Variants in DUSP10 observed in about 807,000 individuals in gnomAD.
DUSP10 encodes dual specificity phosphatase 10.
A neutral mutation model predicts 30.8 loss-of-function variants in DUSP10; 14 were observed. That is an observed-to-expected ratio of 0.46 (90% confidence interval 0.30 to 0.71). The LOEUF (loss-of-function observed/expected upper bound fraction) is 0.71. Ranked by LOEUF, DUSP10 falls within the 30% of genes least tolerant of loss-of-function variation. The pLI is 0.08. For missense variants in DUSP10, 550 were observed against 619.4 expected (o/e 0.89, Z 1.19); for synonymous variants, 254 against 250.4 (o/e 1.01, Z -0.14).
chr1:221,715,357 T>G (rs941103607), intron 2 of DUSP10, among the ~76,000 whole-genome samples: 2 of 152,160 alleles, frequency 1.3e-5, no homozygotes, highest in Non-Finnish European at 2.9e-5. Context: ...CCTCCCCTCC[T>G]GGCTCAGAAG....
Position 221,738,057 on chromosome 1 carries a change from G to C in DUSP10, c.811+877C>G, listed in dbSNP as rs77457588. 3.6e-3 allele frequency among the ~76,000 whole-genome samples: 546 copies of C among 152,294 alleles called. 1 individual carries two copies. Among genetic ancestry groups the C allele is most frequent in the Non-Finnish European group, 6.0e-3 (407 of 68,028 alleles). On this transcript the variant is annotated intron_variant, in intron 2 of 3. Transcript: ENST00000366899. Reference sequence around the variant, plus strand: ...AGTGCCCCAAAAGTCAGTATCTGAGGGCAAAGAGGTGCAACTAGGCTGGGC... The same window carrying C: ...AGTGCCCCAAAAGTCAGTATCTGAGCGCAAAGAGGTGCAACTAGGCTGGGC...
At chr1:221,727,500 G>A (rs1179214237) in intron 2 of DUSP10, among the ~76,000 whole-genome samples, 1 of 152,168 alleles carries the variant, frequency 6.6e-6, no homozygotes, top group Non-Finnish European at 1.5e-5. Context: ...TCAAATGCTT[G>A]ATAACATCTC....
chr1:221,722,508 T>G (rs1160014547), intron 2 of DUSP10, among the ~76,000 whole-genome samples: 2 of 152,232 alleles, frequency 1.3e-5, no homozygotes, highest in African/African-American at 4.8e-5. Context: ...AGATGAAAAG[T>G]GCCCAGGGCT....
intron 2 of DUSP10, among the ~76,000 whole-genome samples, chr1:221,713,015 C>T (rs761344569): frequency 6.6e-6 from 1 of 152,152 alleles, no homozygotes; most frequent in Non-Finnish European, 1.5e-5. Flanking sequence ...GAATGACTGT[C>T]AAATGGAGCA....
At chr1:221,729,545 A>T (rs1278225106) in intron 2 of DUSP10, among the ~76,000 whole-genome samples, 1 of 152,244 alleles carries the variant, frequency 6.6e-6, no homozygotes, top group African/African-American at 2.4e-5. Context: ...CCTGAGCTAT[A>T]AAAGTCAGGA....
At chr1:221,709,495 T>C (rs1407511616) in intron 2 of DUSP10, among the ~76,000 whole-genome samples, 1 of 151,882 alleles carries the variant, frequency 6.6e-6, no homozygotes, top group African/African-American at 2.4e-5. Flanking sequence ...AAAGGAGATA[T>C]TACAATTTAA....
intron 2 of DUSP10, among the ~76,000 whole-genome samples, chr1:221,712,777 C>CAAAAAAAAAAAAAAAA (rs58249338): frequency 3.5e-5 from 2 of 56,950 alleles, no homozygotes; most frequent in African/African-American, 7.9e-5. Flanking sequence ...TATAAAGCAG[C>CAAAAAAAAAAAAAAAA]AAAAAAAAAA....
In DUSP10 at chr1:221,713,747, G is replaced by A. The variant is rs1321104934; in HGVS notation, c.812-7281C>T. Among the ~76,000 whole-genome samples, 4 of 152,166 alleles carry A rather than the reference G, an allele frequency of 2.6e-5. 1 individual carries two copies. The South Asian group carries it at 8.3e-4, about 32-fold the overall frequency. ...TTAATAGAATTTAGGTCCTTGGAGA[G>A]CAGGACTAGTCTTATTTAAATCCCT... On this transcript the variant is annotated intron_variant, in intron 2 of 3. Transcript: ENST00000366899.
At chr1:221,734,552 C>A (rs1661707586) in intron 2 of DUSP10, among the ~76,000 whole-genome samples, 1 of 152,172 alleles carries the variant, frequency 6.6e-6, no homozygotes, top group African/African-American at 2.4e-5. Context: ...GTTCTGAACA[C>A]TTTACACACA....
chr1:221,734,912 AC>A (rs1433401718), intron 2 of DUSP10, among the ~76,000 whole-genome samples: 3 of 150,358 alleles, frequency 2.0e-5, no homozygotes, highest in Admixed American at 1.3e-4. Flanking sequence ...TCCCTTCCCC[AC>A]CCCACCCCCG....
At chr1:221,741,876 T>TACAC (rs1386031066) in intron 1 of DUSP10, 105 bp downstream of exon 1, 1 of 152,138 alleles carries the variant, frequency 6.6e-6, no homozygotes, top group Admixed American at 6.6e-5. Flanking sequence ...CACACACAGA[T>TACAC]ACACACACAC....
intron 2 of DUSP10, among the ~76,000 whole-genome samples, chr1:221,731,257 T>A (rs909970889): frequency 2.6e-5 from 4 of 152,156 alleles, no homozygotes; most frequent in African/African-American, 9.7e-5. Context: ...TTTTTAATTG[T>A]ACTTGCAAAC....
chr1:221,735,179 C>T (rs1252984879), intron 2 of DUSP10, among the ~76,000 whole-genome samples: 9 of 152,202 alleles, frequency 5.9e-5, no homozygotes, highest in Non-Finnish European at 1.2e-4. Flanking sequence ...CACATTCCCC[C>T]AGTAAAGGCC....
At chr1:221,718,511 A>G (rs568569490) in intron 2 of DUSP10, among the ~76,000 whole-genome samples, 58 of 152,196 alleles carry the variant, frequency 3.8e-4, no homozygotes, top group Non-Finnish European at 7.5e-4. Flanking sequence ...AGGAATGTTA[A>G]CAGGAGGAGA....
chr1:221,721,420 A>G (rs1305430714), intron 2 of DUSP10, among the ~76,000 whole-genome samples: 1 of 152,238 alleles, frequency 6.6e-6, no homozygotes, highest in African/African-American at 2.4e-5. Context: ...TTCAGAACAC[A>G]CTGAAGATTG....
chr1:221,721,980 C>A (rs1399898900), intron 2 of DUSP10, among the ~76,000 whole-genome samples: 6 of 152,152 alleles, frequency 3.9e-5, no homozygotes, highest in African/African-American at 1.4e-4. Context: ...AGTATCTTCA[C>A]CAACCCCGGG....
At chr1:221,737,188 T>C (rs1661801419) in intron 2 of DUSP10, 2 of 985,266 alleles carry the variant, frequency 2.0e-6, no homozygotes, top group African/African-American at 1.7e-5. Context: ...GATTAGGAGG[T>C]CTAGGATCAT....
At chr1:221,737,361 G>A in intron 2 of DUSP10, 2 of 985,366 alleles carry the variant, frequency 2.0e-6, no homozygotes, top group Non-Finnish European at 2.4e-6. Context: ...AAATTCCTCG[G>A]TAGGATTTTC....
chr1:221,703,606 TC>T (rs1401523348), intron 3 of DUSP10, among the ~76,000 whole-genome samples: 5 of 152,180 alleles, frequency 3.3e-5, no homozygotes, highest in African/African-American at 1.2e-4. Context: ...GATGGAGGAA[TC>T]CCAGCAATGG....
Sources: allele counts gnomAD v4.1 joint callset (sites outside exome capture counted in the v4.1 genomes callset), GRCh38; gene constraint gnomAD v4.1.1; transcripts MANE v1.5; gene names NCBI Gene and HGNC (gene_info 2026-07-23, HGNC 2026-07-21).